Variants in CAMTA1 observed in about 807,000 individuals in gnomAD.
The protein encoded by CAMTA1 is calmodulin-binding transcription activator 1.
CAMTA1 carries 27 observed loss-of-function variants against 170.9 expected under a neutral mutation model. That is an observed-to-expected ratio of 0.16 (90% confidence interval 0.12 to 0.22). CAMTA1 has a LOEUF of 0.22. Ranked by LOEUF, CAMTA1 falls within the 10% of genes least tolerant of loss-of-function variation. The pLI is 1.00. For synonymous variants in CAMTA1, 833 were observed against 891.5 expected, an observed-to-expected ratio of 0.93 and a Z score of 1.17; for missense variants, 1,619 against 2,217.2, an observed-to-expected ratio of 0.73 and a Z score of 5.42.
At chr1:6,799,272 T>G (rs1306396766) in intron 1 of CAMTA1, among the ~76,000 whole-genome samples, 1 of 152,162 alleles carries the variant, frequency 6.6e-6, no homozygotes, top group Non-Finnish European at 1.5e-5. Flanking sequence ...TCTTGCTATG[T>G]TGCGCAGGCT....
chr1:7,505,954 G>A (rs1052722807), intron 6 of CAMTA1, among the ~76,000 whole-genome samples: 1 of 152,162 alleles, frequency 6.6e-6, no homozygotes, highest in Non-Finnish European at 1.5e-5. Context: ...GTTCTCAGGC[G>A]GGCAGGTTTG....
chr1:7,494,375 A>G (rs1725271), intron 6 of CAMTA1, among the ~76,000 whole-genome samples: 128,626 of 152,218 alleles, frequency 0.85, 55,010 homozygotes, highest in East Asian at 1. Flanking sequence ...AAATATGAAT[A>G]AATTCAATCT....
At chr1:7,071,572 T>A in intron 3 of CAMTA1, among the ~76,000 whole-genome samples, 1 of 152,208 alleles carries the variant, frequency 6.6e-6, no homozygotes, top group East Asian at 1.9e-4. Context: ...TGATGAATAT[T>A]GCTCCTTCAT....
intron 7 of CAMTA1, among the ~76,000 whole-genome samples, chr1:7,646,970 GC>G (rs2095811096): frequency 6.6e-6 from 1 of 152,224 alleles, no homozygotes; most frequent in Non-Finnish European, 1.5e-5. Context: ...GTAAGGCAGT[GC>G]TGCCGAGACA....
chr1:7,382,892 G>A (rs1048382550), intron 5 of CAMTA1, among the ~76,000 whole-genome samples: 1 of 151,982 alleles, frequency 6.6e-6, no homozygotes, highest in Admixed American at 6.6e-5. Context: ...AGCCTCAAAG[G>A]TTGAGTCTAG....
At chr1:7,652,891 C>T (rs1445400907) in intron 7 of CAMTA1, among the ~76,000 whole-genome samples, 1 of 152,212 alleles carries the variant, frequency 6.6e-6, no homozygotes, top group African/African-American at 2.4e-5. Flanking sequence ...ACCCCCTACG[C>T]ACCTGCTGTG....
At chr1:7,174,944 C>T (rs1363368405) in intron 4 of CAMTA1, among the ~76,000 whole-genome samples, 6 of 152,148 alleles carry the variant, frequency 3.9e-5, no homozygotes, top group Non-Finnish European at 8.8e-5. Context: ...TGCCTTTCCC[C>T]AGGATTAGGG....
intron 3 of CAMTA1, chr1:6,834,704 C>G (rs1652135237): frequency 6.5e-6 from 1 of 154,702 alleles, no homozygotes; most frequent in Admixed American, 6.5e-5. Context: ...GTGGCGCAAT[C>G]ATAACTTACC....
chr1:7,416,064 T>C (rs1370218205), intron 5 of CAMTA1, among the ~76,000 whole-genome samples: 2 of 152,130 alleles, frequency 1.3e-5, no homozygotes, highest in African/African-American at 4.8e-5. Flanking sequence ...AAATTCTTTT[T>C]TTTAAGAATG....
intron 1 of CAMTA1, among the ~76,000 whole-genome samples, chr1:6,807,491 C>T (rs965015415): frequency 3.9e-5 from 6 of 151,978 alleles, no homozygotes; most frequent in East Asian, 3.9e-4. Context: ...GAGGCCGAGG[C>T]GGGTGGATCA....
rs75836838 is a variant in CAMTA1 at position 7,314,993 on chromosome 1, T to A, written c.438+65367T>A. Among the ~76,000 whole-genome samples, 307 of 152,290 alleles carry A rather than the reference T, an allele frequency of 2.0e-3. 2 individuals are homozygous for A. The East Asian group carries it at 0.043, about 21-fold the overall frequency. ...GACCTTGAGACATTGACAAGAAGAA[T>A]GATTAGATTCAGTGAAAAAGAGAGC... On this transcript the variant is annotated intron_variant, in intron 5 of 22. Coordinates refer to ENST00000303635, the MANE Select transcript of CAMTA1 (RefSeq NM_015215.4).
intron 11 of CAMTA1, among the ~76,000 whole-genome samples, chr1:7,725,912 A>G (rs1029376736): frequency 6.6e-6 from 1 of 151,972 alleles, no homozygotes; most frequent in African/African-American, 2.4e-5. Context: ...CGGGTGGGTC[A>G]CACACACAGA....
chr1:7,697,135 C>T (rs1028547500), intron 11 of CAMTA1, among the ~76,000 whole-genome samples: 2 of 152,142 alleles, frequency 1.3e-5, no homozygotes, highest in Non-Finnish European at 2.9e-5. Context: ...CAAGCTCATT[C>T]GAACAGCATA....
chr1:6,833,405 A>C (rs1651332855), intron 3 of CAMTA1, among the ~76,000 whole-genome samples: 1 of 152,200 alleles, frequency 6.6e-6, no homozygotes, highest in Non-Finnish European at 1.5e-5. Flanking sequence ...TAAAACTCAG[A>C]TATATGCATT....
intron 6 of CAMTA1, among the ~76,000 whole-genome samples, chr1:7,632,607 A>C (rs1275031041): frequency 6.6e-6 from 1 of 152,196 alleles, no homozygotes; most frequent in Non-Finnish European, 1.5e-5. Flanking sequence ...CACCCTGCTT[A>C]CTCCACAGAA....
At chr1:6,930,682 C>T (rs1213916984) in intron 3 of CAMTA1, among the ~76,000 whole-genome samples, 1 of 152,222 alleles carries the variant, frequency 6.6e-6, no homozygotes, top group Admixed American at 6.5e-5. Context: ...TCCTCAGCTG[C>T]TTCCACACCC....
chr1:7,060,821 T>C lies in CAMTA1; in HGVS notation c.235-30483T>C, dbSNP rs1308356412. On this transcript the variant is annotated intron_variant, in intron 3 of 22. Transcript: ENST00000303635. ...AATTGTTCAAGAATTGGGTTCCAAT[T>C]TCCCAGGAGCACGGAAAGCGTTGCC... Among the ~76,000 whole-genome samples, 6 of 152,332 alleles carry C rather than the reference T, an allele frequency of 3.9e-5. No individual in the cohort carries two copies. In the South Asian group the frequency reaches 1.0e-3, roughly 26 times the overall value.
chr1:7,220,469 G>C (rs896055833), intron 4 of CAMTA1, among the ~76,000 whole-genome samples: 2 of 152,080 alleles, frequency 1.3e-5, no homozygotes, highest in Non-Finnish European at 2.9e-5. Flanking sequence ...TTTTTCTCTG[G>C]GTGGATACCC....
At chr1:6,831,648 TTG>T (rs1439175384) in intron 3 of CAMTA1, among the ~76,000 whole-genome samples, 2 of 152,244 alleles carry the variant, frequency 1.3e-5, no homozygotes, top group African/African-American at 2.4e-5. Context: ...CAAATCACTT[TTG>T]TGTGTTACTA....
Sources: gnomAD v4.1 joint callset for allele counts (sites outside exome capture counted in the v4.1 genomes callset) on GRCh38, gnomAD v4.1.1 for gene constraint, MANE v1.5 for transcripts, NCBI Gene and HGNC (gene_info 2026-07-23, HGNC 2026-07-21) for gene names.